The following STARD9 variants were observed in gnomAD, a reference collection of about 807,000 sequenced individuals.
STARD9 encodes the protein StAR related lipid transfer domain containing 9.
A neutral mutation model predicts 399.8 loss-of-function variants in STARD9; 346 were observed. The ratio of observed to expected loss-of-function variants is 0.87; its 90% confidence interval spans 0.79 to 0.95. The LOEUF is 0.95. Ranked by LOEUF, STARD9 falls within the 40% of genes least tolerant of loss-of-function variation. The pLI, the probability that STARD9 is intolerant of heterozygous loss-of-function variation, is 0.00. For missense variants in STARD9, 5,832 were observed against 5,667.5 expected (o/e 1.03, Z -0.93); for synonymous variants, 2,203 against 2,143.5 (o/e 1.03, Z -0.77).
chr15:42,588,182 G>A (rs2058317772), intron 3 of STARD9, among the ~76,000 whole-genome samples: 1 of 151,656 alleles, frequency 6.6e-6, no homozygotes, highest in Admixed American at 6.6e-5. Flanking sequence ...CATCTTAGAG[G>A]GGGTGTGTGA....
At chr15:42,633,203 A>G (rs556083817) in intron 3 of STARD9, among the ~76,000 whole-genome samples, 2 of 152,266 alleles carry the variant, frequency 1.3e-5, no homozygotes, top group South Asian at 4.1e-4. Flanking sequence ...TTTGTCCCTA[A>G]TTACGTGTAT....
At position 42,688,848 on chromosome 15, in the gene STARD9, G is replaced by A. The variant is rs1275800463; in HGVS notation, c.7270G>A (p.Val2424Ile). Residue 2424 changes from valine to isoleucine, a missense_variant, in exon 23 of 33, where the codon GTA becomes ATA. Physicochemically the swap from Val to Ile is conservative, Grantham distance 29. Around this residue, in one of 2 missense-constraint regions of STARD9, gnomAD observed 5,828 missense variants for 5,651.1 expected, o/e 1.03. Coordinates refer to ENST00000290607, the MANE Select transcript of STARD9 (RefSeq NM_020759.3). ...MAMGSHSQSG[V>I]PESIPLGTED... ...CATGGGATCTCATAGTCAATCTGGT[G>A]TACCAGAGAGCATTCCTCTGGGGAC... 5 of 1,537,262 alleles carry A rather than the reference G, an allele frequency of 3.3e-6. No individual in the cohort carries two copies. The highest frequency in any genetic ancestry group is 1.2e-5 in the South Asian group (1 of 84,062).
rs2060662948 is a variant in STARD9, at chr15:42,690,400, G to GC, written c.8825dup (p.Ser2943ValfsTer2). On this transcript the variant is annotated frameshift_variant, in exon 23 of 33. Transcript: ENST00000290607. LOFTEE classifies it high-confidence loss of function. ...AACCCTGAAGGCAGCAGGACTCTCA[G>GC]CCCGTCTAGAGGGAAAGAGAGCAGA... 1 of 1,537,132 alleles carries GC rather than the reference G, an allele frequency of 6.5e-7. No individual in the cohort carries two copies. The highest frequency in any genetic ancestry group is 1.4e-5 in the African/African-American group (1 of 73,054).
At chr15:42,699,425 T>G (rs1255435686) in intron 26 of STARD9, among the ~76,000 whole-genome samples, 1 of 147,358 alleles carries the variant, frequency 6.8e-6, no homozygotes. Flanking sequence ...GATGGAGTCT[T>G]GCTCTGTCGC....
intron 3 of STARD9, among the ~76,000 whole-genome samples, chr15:42,602,223 C>A (rs923687726): frequency 6.6e-6 from 1 of 152,230 alleles, no homozygotes; most frequent in Non-Finnish European, 1.5e-5. Flanking sequence ...ATAGTATGCT[C>A]TGGCTTCTAG....
In STARD9 at chr15:42,687,933, C is replaced by T; in HGVS notation, c.6355C>T (p.Gln2119Ter). The T allele has an allele frequency of 6.5e-7, 1 of 1,537,296 alleles. No individual in the cohort carries two copies. The highest frequency in any genetic ancestry group is 1.2e-5 in the South Asian group (1 of 84,064). ...PSKDQPSSPRQTDDTVFRDSE... is the reference protein window; with the variant it reads ...PSKDQPSSPR ...TAAGGATCAGCCATCTTCTCCAAGA[C>T]AGACAGATGATACTGTCTTTAGGGA... The change falls in exon 23 of 33, where the codon CAG becomes TAG. Residue 2119 changes from glutamine to a stop codon, truncating the protein, a stop_gained. Transcript: ENST00000290607. LOFTEE classifies it high-confidence loss of function.
At chr15:42,717,137 C>A (rs2061365623) in intron 28 of STARD9, 89 bp downstream of exon 28, 1 of 1,431,414 alleles carries the variant, frequency 7.0e-7, no homozygotes, top group Non-Finnish European at 9.4e-7. Flanking sequence ...AAAAGCTGGG[C>A]AGATGAGGAG....
At chr15:42,586,303 A>C (rs1008110027) in intron 3 of STARD9, among the ~76,000 whole-genome samples, 2 of 152,214 alleles carry the variant, frequency 1.3e-5, no homozygotes, top group African/African-American at 4.8e-5. Context: ...CCTGCAAGGT[A>C]GGTAGGAGGC....
chr15:42,648,012 A>G lies in STARD9; in HGVS notation c.560-3004A>G, dbSNP rs1353424495. Among the ~76,000 whole-genome samples, 3 of 152,302 alleles carry G rather than the reference A, an allele frequency of 2.0e-5. No individual in the cohort carries two copies. The East Asian group carries it at 5.8e-4, about 29-fold the overall frequency. On this transcript the variant is annotated intron_variant, in intron 7 of 32. Transcript: ENST00000290607. ...ACCTTTTGGACCTTATAAGACTTGA[A>G]CTCAGTTTGTCCCTTCTTGACTTAA...
chr15:42,710,464 C>T (rs192119911), intron 26 of STARD9, among the ~76,000 whole-genome samples: 15 of 152,158 alleles, frequency 9.9e-5, no homozygotes, highest in Admixed American at 3.9e-4. Flanking sequence ...ATTTTCATTA[C>T]CCCCCTAGTT....
chr15:42,637,647 T>C (rs1218089582), intron 4 of STARD9, among the ~76,000 whole-genome samples: 1 of 152,200 alleles, frequency 6.6e-6, no homozygotes, highest in Non-Finnish European at 1.5e-5. Context: ...AGCAGGTATC[T>C]GGGTTTGCCG....
At chr15:42,616,568 T>C (rs1001905197) in intron 3 of STARD9, among the ~76,000 whole-genome samples, 1 of 152,184 alleles carries the variant, frequency 6.6e-6, no homozygotes, top group Non-Finnish European at 1.5e-5. Flanking sequence ...TACCTACTAC[T>C]AGCTGTGTGC....
In STARD9 at chr15:42,689,760, C is replaced by G; in HGVS notation, c.8182C>G (p.Pro2728Ala). 6.5e-7 allele frequency: 1 copy of G among 1,537,714 alleles called. No individual in the cohort carries two copies. The change falls in exon 23 of 33, where the codon CCT (proline) becomes GCT (alanine). Residue 2728 changes from proline (P) to alanine (A), a missense_variant. Pro to Ala is a conservative substitution (Grantham distance 27, BLOSUM62 -1). Around this residue, in one of 2 missense-constraint regions of STARD9, gnomAD observed 5,828 missense variants for 5,651.1 expected, o/e 1.03. Coordinates refer to ENST00000290607, the MANE Select transcript of STARD9 (RefSeq NM_020759.3). ...LAPDSPRSSA[P>A]VEEVRRVVSK... ...CCCAGACAGTCCTCGTTCTTCAGCACCTGTGGAGGAGGTCAGGAGGGTAGT... is the reference window on the plus strand; with the variant it reads ...CCCAGACAGTCCTCGTTCTTCAGCAGCTGTGGAGGAGGTCAGGAGGGTAGT...
chr15:42,575,674 T>C lies in STARD9; in HGVS notation c.-42T>C. ...GGCTTAGGGCGGGGGCCTGGGATGC[T>C]GCCGCTGAGCTGACCCGCTGGACTT... On this transcript the variant is annotated 5_prime_UTR_variant, in exon 1 of 33. Transcript: ENST00000290607. The C allele has an allele frequency of 6.5e-7, 1 of 1,534,804 alleles. No individual in the cohort carries two copies. The highest frequency in any genetic ancestry group is 8.7e-7 in the Non-Finnish European group (1 of 1,146,024).
intron 1 of STARD9, among the ~76,000 whole-genome samples, chr15:42,578,892 A>C (rs998626176): frequency 1.3e-5 from 2 of 152,214 alleles, no homozygotes; most frequent in African/African-American, 4.8e-5. Context: ...TCTTCTTTCT[A>C]AAATGTGTTC....
At chr15:42,593,411 T>C (rs577581215) in intron 3 of STARD9, among the ~76,000 whole-genome samples, 94 of 152,276 alleles carry the variant, frequency 6.2e-4, no homozygotes, top group Admixed American at 1.0e-3. Flanking sequence ...TTAAAACAAA[T>C]GCAGACTGAG....
chr15:42,665,079 C>A (rs1050203944), intron 13 of STARD9, among the ~76,000 whole-genome samples, 174 bp from the exon 14 acceptor site: 1 of 152,132 alleles, frequency 6.6e-6, no homozygotes, highest in Non-Finnish European at 1.5e-5. Context: ...GCGTTTCTAA[C>A]AAGTTCTTAG....
At position 42,681,373 on chromosome 15, in the gene STARD9, AGCTTGG is replaced by A. The variant is rs753930915; in HGVS notation, c.1875-48_1875-43del. On this transcript the variant is annotated intron_variant, in intron 20 of 32. Coordinates refer to ENST00000290607, the MANE Select transcript of STARD9 (RefSeq NM_020759.3). Reference sequence around the variant, plus strand: ...CTTACACTGCTATCAGTTTGTCCTGAGCTTGGTTTGCATTTCCCCTTGGGTAACCTC... The same window carrying A: ...CTTACACTGCTATCAGTTTGTCCTGATTTGCATTTCCCCTTGGGTAACCTC... 4 of 1,509,790 alleles carry A rather than the reference AGCTTGG, an allele frequency of 2.6e-6. No individual in the cohort carries two copies. The South Asian group carries it at 5.1e-5, about 19-fold the overall frequency. 93.5% of individuals were successfully genotyped at this position (1,509,790 alleles called of 1,614,324 possible).
intron 3 of STARD9, among the ~76,000 whole-genome samples, chr15:42,587,919 G>C (rs2058310251): frequency 6.6e-6 from 1 of 152,124 alleles, no homozygotes; most frequent in Admixed American, 6.5e-5. Flanking sequence ...CTGGTTACTA[G>C]TGTTTGTAAC....
Sources: gnomAD v4.1 joint callset for allele counts (sites outside exome capture counted in the v4.1 genomes callset) on GRCh38, gnomAD v4.1.1 for gene constraint, gnomAD v4.1.1 regional missense constraint, MANE v1.5 for transcripts, NCBI Gene and HGNC (gene_info 2026-07-23, HGNC 2026-07-21) for gene names.